SULT4A1: variants seen among roughly 807,000 people sequenced by gnomAD.
SULT4A1 encodes the protein sulfotransferase 4A1.
Under a neutral mutation model 35.2 loss-of-function variants are expected in SULT4A1, and 11 were observed. The observed-to-expected ratio is 0.31, with a 90% CI of 0.20 to 0.52. The LOEUF (loss-of-function observed/expected upper bound fraction) is 0.52. Among genes scored for constraint, SULT4A1 ranks in the 20% least tolerant of loss-of-function variants. The pLI, the probability that SULT4A1 is intolerant of heterozygous loss-of-function variation, is 0.97. For synonymous variants in SULT4A1, 152 were observed against 151.8 expected (o/e 1.00, Z -0.01); for missense variants, 271 against 383.7 (o/e 0.71, Z 2.45).
At chr22:43,855,127 C>T (rs573782899) in intron 1 of SULT4A1, among the ~76,000 whole-genome samples, 6 of 152,248 alleles carry the variant, frequency 3.9e-5, no homozygotes, top group Non-Finnish European at 8.8e-5. Flanking sequence ...TCACAGTGGA[C>T]GAGGCACTGA....
intron 3 of SULT4A1, 35 bp from the exon 4 acceptor site, chr22:43,839,028 C>T: frequency 6.2e-7 from 1 of 1,608,730 alleles, no homozygotes; most frequent in Non-Finnish European, 8.5e-7. Flanking sequence ...GTCCGTGTCT[C>T]CTTCCCTCCC....
At chr22:43,845,303 C>T (rs376096721) in intron 1 of SULT4A1, among the ~76,000 whole-genome samples, 4 of 151,990 alleles carry the variant, frequency 2.6e-5, no homozygotes, top group African/African-American at 9.7e-5. Context: ...GGGGCACATG[C>T]CCACCAACTC....
At chr22:43,855,516 C>T (rs937998023) in intron 1 of SULT4A1, among the ~76,000 whole-genome samples, 6 of 152,162 alleles carry the variant, frequency 3.9e-5, no homozygotes, top group African/African-American at 1.2e-4. Flanking sequence ...CCAGCCCCCA[C>T]AAAATGACTG....
intron 4 of SULT4A1, among the ~76,000 whole-genome samples, chr22:43,835,856 C>A (rs2063367100): frequency 6.6e-6 from 1 of 152,186 alleles, no homozygotes; most frequent in African/African-American, 2.4e-5. Context: ...TGGTCCTGCG[C>A]TGATGTGAGG....
chr22:43,847,301 A>C (rs2063482959), intron 1 of SULT4A1, among the ~76,000 whole-genome samples: 1 of 152,192 alleles, frequency 6.6e-6, no homozygotes, highest in Non-Finnish European at 1.5e-5. Context: ...AAAAATGGTC[A>C]TTATACTATC....
intron 4 of SULT4A1, among the ~76,000 whole-genome samples, chr22:43,835,042 TCCCTGTGCTTCCCGCGCCCCCACCGCGG>T (rs1569503163): frequency 2.8e-5 from 1 of 36,006 alleles, no homozygotes; most frequent in African/African-American, 1.7e-4. Context: ...CCCCACCGCG[TCCCTGTGCTTCCCGCGCCCCCACCGCGG>T]CCCTGAGCTT....
At chr22:43,840,417 A>C (rs576374633) in intron 2 of SULT4A1, among the ~76,000 whole-genome samples, 1 of 152,104 alleles carries the variant, frequency 6.6e-6, no homozygotes, top group East Asian at 1.9e-4. Flanking sequence ...CTCCCTTGTC[A>C]CCTGAGACAA....
chr22:43,852,710 A>G (rs1569504922), intron 1 of SULT4A1, among the ~76,000 whole-genome samples: 1 of 151,648 alleles, frequency 6.6e-6, no homozygotes, highest in African/African-American at 2.4e-5. Context: ...TGCCCTCGAC[A>G]CAGAGCACGA....
chr22:43,841,077 G>A (rs372387261), intron 2 of SULT4A1, among the ~76,000 whole-genome samples: 22 of 152,370 alleles, frequency 1.4e-4, no homozygotes, highest in East Asian at 1.2e-3. Context: ...TGCCTTGAAC[G>A]CGGTGGCCCT....
intron 1 of SULT4A1, among the ~76,000 whole-genome samples, chr22:43,845,024 G>A (rs992545273): frequency 1.3e-5 from 2 of 152,150 alleles, no homozygotes; most frequent in Non-Finnish European, 2.9e-5. Flanking sequence ...CTCCCAGGGA[G>A]AAAGGCGGCC....
At chr22:43,826,387 A>AC (rs368846121) in intron 6 of SULT4A1, 1 of 984,218 alleles carries the variant, frequency 1.0e-6, no homozygotes. Flanking sequence ...GCCATTCCAC[A>AC]CCCCCCGCTG....
At chr22:43,827,912 C>T (rs1362879073) in intron 6 of SULT4A1, among the ~76,000 whole-genome samples, 1 of 152,214 alleles carries the variant, frequency 6.6e-6, no homozygotes, top group Non-Finnish European at 1.5e-5. Context: ...GGAAAGAAGT[C>T]GAGAGGGACT....
rs976615415 is a variant in SULT4A1, at chr22:43,825,778, CTGTT to C, written c.*219_*222del. ...GGCCATTGGAACTGCAATGTGGAGACTGTTTGTAATCAGACATGGAGAGGCTGCA... is the reference window on the plus strand; with the variant it reads ...GGCCATTGGAACTGCAATGTGGAGACTGTAATCAGACATGGAGAGGCTGCA... On this transcript the variant is annotated 3_prime_UTR_variant, in exon 7 of 7. Coordinates refer to ENST00000330884, the MANE Select transcript of SULT4A1 (RefSeq NM_014351.4). 19 of 514,116 alleles carry C rather than the reference CTGTT, an allele frequency of 3.7e-5. No homozygotes were observed. Among genetic ancestry groups the C allele is most frequent in the African/African-American group, 2.1e-4 (11 of 51,440 alleles). The allele number at this position is 514,116 out of a possible 1,614,324, so 31.8% of individuals were successfully genotyped here.
intron 4 of SULT4A1, 36 bp from the exon 5 acceptor site, chr22:43,833,770 G>A (rs376493594): frequency 7.8e-6 from 12 of 1,538,640 alleles, no homozygotes; most frequent in Non-Finnish European, 1.1e-5. Context: ...CCACACGGCT[G>A]GGCAGGAGAA....
rs768435288 is a variant in SULT4A1 at position 43,824,899 on chromosome 22, G to T, written c.*1102C>A. On this transcript the variant is annotated 3_prime_UTR_variant, in exon 7 of 7. Coordinates refer to ENST00000330884, the MANE Select transcript of SULT4A1 (RefSeq NM_014351.4). ...GCCCCCGACTCTCCATCGCTTCAGC[G>T]AATGTGGGTGAGAAAATTAGGCAGT... 1 of 152,118 alleles carries T rather than the reference G, an allele frequency of 6.6e-6. No homozygotes were observed. Among genetic ancestry groups the T allele is most frequent in the Non-Finnish European group, 1.5e-5 (1 of 68,014 alleles). The allele number at this position is 152,118 out of a possible 1,614,324, so 9.4% of individuals were successfully genotyped here.
At chr22:43,849,327 C>A (rs1347913026) in intron 1 of SULT4A1, among the ~76,000 whole-genome samples, 1 of 152,174 alleles carries the variant, frequency 6.6e-6, no homozygotes, top group Non-Finnish European at 1.5e-5. Flanking sequence ...AGGTCCCCAG[C>A]AGGGGTCCCA....
chr22:43,854,652 G>A (rs1166448878), intron 1 of SULT4A1, among the ~76,000 whole-genome samples: 2 of 152,176 alleles, frequency 1.3e-5, no homozygotes, highest in Admixed American at 6.5e-5. Context: ...GCCCAGAAGT[G>A]CAGGGAGCCG....
At chr22:43,853,074 A>T (rs1339520780) in intron 1 of SULT4A1, among the ~76,000 whole-genome samples, 1 of 151,772 alleles carries the variant, frequency 6.6e-6, no homozygotes, top group Non-Finnish European at 1.5e-5. Flanking sequence ...TAACACACAG[A>T]CCACACACAC....
chr22:43,853,401 C>T lies in SULT4A1; in HGVS notation c.169+8813G>A, dbSNP rs2049365939. Among the ~76,000 whole-genome samples the T allele has an allele frequency of 2.6e-5, 4 of 152,338 alleles. No homozygotes were observed. In the South Asian group the frequency reaches 8.3e-4, roughly 32 times the overall value. ...CTTCTGGGCCTGGGACCCTGGGAAA[C>T]GAATTGCAGCCATCCCCACCCCACC... On this transcript the variant is annotated intron_variant, in intron 1 of 6. Coordinates refer to ENST00000330884, the MANE Select transcript of SULT4A1 (RefSeq NM_014351.4).
Sources: allele counts gnomAD v4.1 joint callset (sites outside exome capture counted in the v4.1 genomes callset), GRCh38; gene constraint gnomAD v4.1.1; transcripts MANE v1.5; gene names NCBI Gene and HGNC (gene_info 2026-07-23, HGNC 2026-07-21).